PTCHD4: variants seen among roughly 807,000 people sequenced by gnomAD.
PTCHD4 encodes patched domain containing 4.
A neutral mutation model predicts 58.1 loss-of-function variants in PTCHD4; 33 were observed. The ratio of observed to expected loss-of-function variants is 0.57; its 90% CI spans 0.43 to 0.76. The LOEUF is 0.76. PTCHD4 is among the 30% of genes least tolerant of loss of function. The pLI is 0.00. For synonymous variants in PTCHD4, 478 were observed against 409.6 expected, an observed-to-expected ratio of 1.17 and a Z score of -2.02; for missense variants, 1,058 against 1,027.1, an observed-to-expected ratio of 1.03 and a Z score of -0.41.
intron 4 of PTCHD4, among the ~76,000 whole-genome samples, chr6:47,958,076 T>G (rs902290852): frequency 6.6e-6 from 1 of 152,224 alleles, no homozygotes; most frequent in Non-Finnish European, 1.5e-5. Flanking sequence ...CCTTTTATTT[T>G]TAACAAATAT....
chr6:47,915,450 C>T (rs1011956407), intron 4 of PTCHD4, among the ~76,000 whole-genome samples: 4 of 151,914 alleles, frequency 2.6e-5, no homozygotes, highest in Non-Finnish European at 5.9e-5. Context: ...TATTGGTTGG[C>T]GTTGAAAGTC....
intron 3 of PTCHD4, among the ~76,000 whole-genome samples, chr6:48,061,278 A>G (rs1420021027): frequency 6.6e-6 from 1 of 152,208 alleles, no homozygotes; most frequent in Non-Finnish European, 1.5e-5. Context: ...GACTGTAATC[A>G]GCTTAAAGCT....
chr6:48,009,204 A>C (rs757101009), intron 3 of PTCHD4, 90 bp from the exon 4 acceptor site: 10 of 1,340,990 alleles, frequency 7.5e-6, no homozygotes, highest in Non-Finnish European at 1.0e-5. Flanking sequence ...CAAGGAAGGC[A>C]GAGATAGGTG....
intron 1 of PTCHD4, among the ~76,000 whole-genome samples, chr6:48,109,411 C>T (rs763243811): frequency 7.9e-5 from 12 of 152,018 alleles, no homozygotes; most frequent in East Asian, 5.8e-4. Flanking sequence ...TATCTTAAGA[C>T]GACAAATACC....
In PTCHD4 at chr6:47,860,119, A is replaced by G. The variant is rs1387718776; in HGVS notation, c.*18184T>C. 6.6e-6 allele frequency among the ~76,000 whole-genome samples: 1 copy of G among 152,024 alleles called. No homozygotes were observed. The highest frequency in any genetic ancestry group is 6.6e-5 in the Admixed American group (1 of 15,210). Reference sequence around the variant, plus strand: ...TGAAGTATTCCCCTTTAATGCCAATAGTTCCCTATACCCAGATTCTCTTAA... The same window carrying G: ...TGAAGTATTCCCCTTTAATGCCAATGGTTCCCTATACCCAGATTCTCTTAA... On this transcript the variant is annotated 3_prime_UTR_variant, in exon 5 of 5. Transcript: ENST00000339488.
intron 4 of PTCHD4, among the ~76,000 whole-genome samples, chr6:47,971,239 A>C (rs1019703128): frequency 2.6e-5 from 4 of 152,184 alleles, no homozygotes; most frequent in African/African-American, 9.7e-5. Context: ...AAGTTAAGAA[A>C]AGAGATTGAA....
chr6:48,096,610 T>TAAA (rs386406978), intron 1 of PTCHD4, among the ~76,000 whole-genome samples: 1 of 134,692 alleles, frequency 7.4e-6, no homozygotes, highest in Non-Finnish European at 1.6e-5. Context: ...AGACTCTGCC[T>TAAA]AAAAAAAAAA....
intron 3 of PTCHD4, among the ~76,000 whole-genome samples, chr6:48,058,601 G>C (rs906968442): frequency 5.3e-5 from 8 of 152,274 alleles, no homozygotes; most frequent in Admixed American, 2.6e-4. Context: ...GGAAAAGAAA[G>C]TAAGCCAGCA....
At chr6:47,958,844 G>A (rs1478865229) in intron 4 of PTCHD4, among the ~76,000 whole-genome samples, 3 of 152,184 alleles carry the variant, frequency 2.0e-5, no homozygotes, top group African/African-American at 7.2e-5. Flanking sequence ...TGGGGCATTG[G>A]TACTATGTAC....
intron 3 of PTCHD4, among the ~76,000 whole-genome samples, chr6:48,061,946 CA>C (rs1419721361): frequency 6.6e-6 from 1 of 152,030 alleles, no homozygotes; most frequent in Non-Finnish European, 1.5e-5. Context: ...GTGTCTTGGG[CA>C]AAACTAGGAG....
At chr6:47,996,527 C>G (rs945227936) in intron 4 of PTCHD4, among the ~76,000 whole-genome samples, 1 of 152,046 alleles carries the variant, frequency 6.6e-6, no homozygotes, top group Non-Finnish European at 1.5e-5. Flanking sequence ...CCAGAAGCCC[C>G]GGGCTCAGTT....
chr6:48,082,654 C>T (rs1765187766), intron 1 of PTCHD4, among the ~76,000 whole-genome samples: 1 of 152,100 alleles, frequency 6.6e-6, no homozygotes, highest in African/African-American at 2.4e-5. Flanking sequence ...TCTCCATATC[C>T]CTACACAATA....
chr6:47,960,386 A>C (rs1207064553), intron 4 of PTCHD4, among the ~76,000 whole-genome samples: 1 of 152,304 alleles, frequency 6.6e-6, no homozygotes, highest in Non-Finnish European at 1.5e-5. Context: ...CAAGTGGTTT[A>C]AATGCTCCAA....
intron 4 of PTCHD4, among the ~76,000 whole-genome samples, chr6:47,951,945 C>T (rs910033954): frequency 6.6e-6 from 1 of 151,914 alleles, no homozygotes; most frequent in Non-Finnish European, 1.5e-5. Context: ...GTAGAAAATA[C>T]ACTGCACATC....
At chr6:47,890,899 C>A (rs16876756) in intron 4 of PTCHD4, 57,369 of 983,452 alleles carry the variant, frequency 0.058, 1,739 homozygotes, top group Middle Eastern at 0.098. Context: ...ACCTTCCATG[C>A]TTTTCAAGTT....
chr6:48,004,988 C>G (rs1762380955), intron 4 of PTCHD4, among the ~76,000 whole-genome samples: 1 of 152,160 alleles, frequency 6.6e-6, no homozygotes, highest in African/African-American at 2.4e-5. Flanking sequence ...GCATGCACCT[C>G]TAATAATCTT....
At chr6:47,989,162 G>A (rs957378972) in intron 4 of PTCHD4, among the ~76,000 whole-genome samples, 2 of 152,200 alleles carry the variant, frequency 1.3e-5, no homozygotes, top group Admixed American at 1.3e-4. Context: ...CTAGAGATTT[G>A]TGGAACTTTG....
At chr6:48,088,075 C>T (rs955223394) in intron 1 of PTCHD4, among the ~76,000 whole-genome samples, 3 of 151,940 alleles carry the variant, frequency 2.0e-5, no homozygotes, top group African/African-American at 7.3e-5. Context: ...AGTGGGCATG[C>T]TAGGTTACAA....
In PTCHD4 at chr6:48,107,750, A is replaced by G. The variant is rs532354605; in HGVS notation, c.-970+3299T>C. Among the ~76,000 whole-genome samples the G allele has an allele frequency of 2.3e-3, 354 of 152,352 alleles. 1 individual carries two copies. Among genetic ancestry groups the G allele is most frequent in the African/African-American group, 8.0e-3 (334 of 41,582 alleles). On this transcript the variant is annotated intron_variant, in intron 1 of 4. Coordinates refer to ENST00000339488, the MANE Select transcript of PTCHD4 (RefSeq NM_001384253.1). ...ATCTACAATGAACTCAAACAAATTT[A>G]TAAGAAAAAAACAAACAACCCCGTC...
Sources: allele counts gnomAD v4.1 joint callset (sites outside exome capture counted in the v4.1 genomes callset), GRCh38; gene constraint gnomAD v4.1.1; transcripts MANE v1.5; gene names NCBI Gene and HGNC (gene_info 2026-07-23, HGNC 2026-07-21).